The following ARHGEF26 variants were observed in gnomAD, a reference collection of about 807,000 sequenced individuals.
The protein encoded by ARHGEF26 is Rho guanine nucleotide exchange factor 26.
A neutral mutation model predicts 89.4 loss-of-function variants in ARHGEF26; 59 were observed. The observed-to-expected ratio is 0.66, with a 90% confidence interval of 0.54 to 0.82. The LOEUF is 0.82. Ranked by LOEUF, ARHGEF26 falls within the 40% of genes least tolerant of loss-of-function variation. ARHGEF26 has a pLI of 0.00. For synonymous variants in ARHGEF26, 500 were observed against 428.4 expected (o/e 1.17, Z -2.06); for missense variants, 1,234 against 1,085.6 (o/e 1.14, Z -1.92).
intron 9 of ARHGEF26, among the ~76,000 whole-genome samples, chr3:154,215,744 A>G (rs1715679017): frequency 6.6e-6 from 1 of 152,122 alleles, no homozygotes; most frequent in Non-Finnish European, 1.5e-5. Context: ...AGAAGAAGAA[A>G]GCTATCCTGT....
chr3:154,238,213 G>A (rs936381855), intron 11 of ARHGEF26, among the ~76,000 whole-genome samples: 2 of 152,104 alleles, frequency 1.3e-5, no homozygotes, highest in Non-Finnish European at 2.9e-5. Flanking sequence ...TAAACATCAT[G>A]TCTACTTTGA....
intron 7 of ARHGEF26, among the ~76,000 whole-genome samples, chr3:154,190,508 A>AAAACAAAC (rs111860465): frequency 1.3e-5 from 2 of 152,082 alleles, no homozygotes; most frequent in Non-Finnish European, 2.9e-5. Context: ...ACTCCATCTC[A>AAAACAAAC]AAACAAACAA....
intron 6 of ARHGEF26, among the ~76,000 whole-genome samples, chr3:154,183,543 C>T (rs1713312292): frequency 6.6e-6 from 1 of 152,114 alleles, no homozygotes; most frequent in South Asian, 2.1e-4. Context: ...TTCTTGGTTC[C>T]CGAAATCATA....
chr3:154,200,561 A>G (rs1035689976), intron 9 of ARHGEF26, among the ~76,000 whole-genome samples: 5 of 151,966 alleles, frequency 3.3e-5, no homozygotes, highest in South Asian at 4.2e-4. Context: ...GTGGTTTCAT[A>G]TACATTTTAG....
chr3:154,145,293 TAA>T (rs987598325), intron 4 of ARHGEF26, among the ~76,000 whole-genome samples: 26 of 152,322 alleles, frequency 1.7e-4, no homozygotes, highest in African/African-American at 5.8e-4. Context: ...CAGGTTACAT[TAA>T]GTCTGTAGAA....
At chr3:154,219,571 G>T (rs1715985186) in intron 10 of ARHGEF26, among the ~76,000 whole-genome samples, 1 of 150,778 alleles carries the variant, frequency 6.6e-6, no homozygotes, top group African/African-American at 2.4e-5. Flanking sequence ...CTCCAGCCTG[G>T]GCAAAAGAGC....
intron 9 of ARHGEF26, among the ~76,000 whole-genome samples, chr3:154,211,163 A>C (rs1451849541): frequency 2.0e-5 from 3 of 152,002 alleles, no homozygotes. Flanking sequence ...CTGGTGTCTC[A>C]GTATGTCATG....
At chr3:154,162,008 T>G (rs1711694748) in intron 6 of ARHGEF26, among the ~76,000 whole-genome samples, 1 of 152,208 alleles carries the variant, frequency 6.6e-6, no homozygotes. Flanking sequence ...CATGGAGATT[T>G]AAACTTGGAT....
At chr3:154,244,326 GTGGAAGAAAAATCAATGGCTTTGATTA>G (rs1231739606) in intron 12 of ARHGEF26, among the ~76,000 whole-genome samples, 5 of 152,214 alleles carry the variant, frequency 3.3e-5, no homozygotes, top group Non-Finnish European at 7.3e-5. Flanking sequence ...CAGTGAAATT[GTGGAAGAAAAATCAATGGCTTTGATTA>G]CGTAAAGAAT....
chr3:154,255,697 C>G lies in ARHGEF26; in HGVS notation c.*224C>G, dbSNP rs1489876872. 7.4e-7 allele frequency: 1 copy of G among 1,356,336 alleles called. No homozygotes were observed. The highest frequency in any genetic ancestry group is 9.4e-7 in the Non-Finnish European group (1 of 1,060,146). The allele number at this position is 1,356,336 out of a possible 1,614,324, so 84.0% of individuals were successfully genotyped here. ...ACCTAACCACACACTTGCAGACCTC[C>G]TGAGGTACACAGAATAGCTGAGCAG... is the stretch of plus-strand genomic sequence containing the variant. On this transcript the variant is annotated 3_prime_UTR_variant, in exon 15 of 15. Coordinates refer to ENST00000465093, the MANE Select transcript of ARHGEF26 (RefSeq NM_015595.4).
At position 154,158,312 on chromosome 3, in the gene ARHGEF26, G is replaced by A. The variant is rs564282285; in HGVS notation, c.1487+5380G>A. On this transcript the variant is annotated intron_variant, in intron 6 of 14. Coordinates refer to ENST00000465093, the MANE Select transcript of ARHGEF26 (RefSeq NM_015595.4). ...ATCTTAAGTCCTTTGGCTGTAAAGG[G>A]TTTGCCTCTCTTATTAACACCTTCC... is the stretch of plus-strand genomic sequence containing the variant. 7.2e-4 allele frequency among the ~76,000 whole-genome samples: 110 copies of A among 152,314 alleles called. 1 individual carries two copies. The highest frequency in any genetic ancestry group is 7.2e-3 in the Admixed American group (110 of 15,296).
rs1718207216 is a variant in ARHGEF26, at chr3:154,124,504, A to G, written c.1123+55A>G. 6.2e-6 allele frequency: 9 copies of G among 1,448,852 alleles called. No individual in the cohort carries two copies. The East Asian group carries it at 1.8e-4, about 28-fold the overall frequency. 89.7% of individuals were successfully genotyped at this position (1,448,852 alleles called of 1,614,324 possible). ...GCTGTTTCAATGTGGAATACCAATT[A>G]TAAGTTGAAATCCAACTGCAGTAAC... is the stretch of plus-strand genomic sequence containing the variant. On this transcript the variant is annotated intron_variant, in intron 3 of 14. Transcript: ENST00000465093.
intron 6 of ARHGEF26, among the ~76,000 whole-genome samples, chr3:154,181,754 G>C (rs920509679): frequency 6.6e-6 from 1 of 152,020 alleles, no homozygotes; most frequent in Non-Finnish European, 1.5e-5. Flanking sequence ...TGTCTTCATT[G>C]GTGGCCCTTC....
At chr3:154,148,735 G>T (rs1719833003) in intron 4 of ARHGEF26, among the ~76,000 whole-genome samples, 2 of 152,186 alleles carry the variant, frequency 1.3e-5, no homozygotes, top group South Asian at 4.1e-4. Context: ...ACCAAAGGGA[G>T]CAGCTCTGAA....
chr3:154,219,868 C>T (rs1282869168), intron 10 of ARHGEF26, among the ~76,000 whole-genome samples: 2 of 151,556 alleles, frequency 1.3e-5, no homozygotes, highest in South Asian at 2.1e-4. Flanking sequence ...GAGCCGAGAT[C>T]GTGCCACTGC....
chr3:154,234,405 G>A (rs889816788), intron 11 of ARHGEF26, among the ~76,000 whole-genome samples: 1 of 152,136 alleles, frequency 6.6e-6, no homozygotes. Context: ...CTGACCACAA[G>A]GCAGGCCGTT....
intron 12 of ARHGEF26, 140 bp from the exon 13 acceptor site, chr3:154,252,976 C>A: frequency 1.2e-6 from 1 of 820,212 alleles, no homozygotes. Context: ...CACTTTTAAA[C>A]TACTCTCACC....
intron 12 of ARHGEF26, 46 bp from the exon 13 acceptor site, chr3:154,253,070 G>A: frequency 1.9e-6 from 3 of 1,609,564 alleles, no homozygotes; most frequent in Non-Finnish European, 1.7e-6. Context: ...TCCATTCTGT[G>A]TTTTTACACC....
intron 7 of ARHGEF26, among the ~76,000 whole-genome samples, chr3:154,189,788 C>T (rs1328848338): frequency 2.0e-5 from 3 of 150,998 alleles, no homozygotes; most frequent in African/African-American, 7.3e-5. Flanking sequence ...AGGGAGGGGA[C>T]TGGGACCTGA....
Sources: allele counts gnomAD v4.1 joint callset (sites outside exome capture counted in the v4.1 genomes callset), GRCh38; gene constraint gnomAD v4.1.1; transcripts MANE v1.5; gene names NCBI Gene and HGNC (gene_info 2026-07-23, HGNC 2026-07-21).